Variants in IQCM observed in about 807,000 individuals in gnomAD.
IQCM encodes IQ motif containing M, also known as IQ domain-containing protein M.
Under a neutral mutation model 57.6 loss-of-function variants are expected in IQCM, and 45 were observed. The observed-to-expected ratio is 0.78, with a 90% confidence interval of 0.62 to 1.00. The LOEUF is 1.00. Ranked by LOEUF, IQCM falls within the 50% of genes least tolerant of loss-of-function variation. IQCM has a pLI of 0.00. For missense variants in IQCM, 468 were observed against 511.6 expected, an observed-to-expected ratio of 0.91 and a Z score of 0.82; for synonymous variants, 148 against 158.9, an observed-to-expected ratio of 0.93 and a Z score of 0.51.
At chr4:149,478,561 G>T (rs1740450695) in intron 12 of IQCM, among the ~76,000 whole-genome samples, 2 of 152,122 alleles carry the variant, frequency 1.3e-5, no homozygotes, top group East Asian at 1.9e-4. Flanking sequence ...GCTCAGTGAG[G>T]CCTGGAGGGA....
chr4:149,408,699 T>C (rs977565605), intron 13 of IQCM, among the ~76,000 whole-genome samples: 3 of 152,196 alleles, frequency 2.0e-5, no homozygotes, highest in African/African-American at 7.2e-5. Context: ...TCATTGAATA[T>C]TAGGTTATAA....
intron 5 of IQCM, among the ~76,000 whole-genome samples, chr4:149,715,475 T>A (rs1333317773): frequency 6.6e-6 from 1 of 152,066 alleles, no homozygotes; most frequent in Non-Finnish European, 1.5e-5. Context: ...CCAAAGAGAG[T>A]GTCACAGTCC....
At chr4:149,472,693 A>C (rs537102203) in intron 12 of IQCM, among the ~76,000 whole-genome samples, 1 of 152,104 alleles carries the variant, frequency 6.6e-6, no homozygotes, top group Non-Finnish European at 1.5e-5. Context: ...AAAAAAGCTG[A>C]AGGCATCACA....
intron 7 of IQCM, among the ~76,000 whole-genome samples, chr4:149,669,404 A>C (rs1761044866): frequency 6.6e-6 from 1 of 152,028 alleles, no homozygotes. Flanking sequence ...AGATTGTAAA[A>C]ATTTTCTCCC....
At chr4:149,377,293 A>G (rs565727650) in intron 13 of IQCM, among the ~76,000 whole-genome samples, 2 of 152,350 alleles carry the variant, frequency 1.3e-5, no homozygotes, top group African/African-American at 4.8e-5. Context: ...AATTCAAGAC[A>G]TAAAGCAATT....
intron 12 of IQCM, among the ~76,000 whole-genome samples, chr4:149,449,246 A>C (rs1277218891): frequency 2.1e-5 from 3 of 143,214 alleles, no homozygotes; most frequent in African/African-American, 7.6e-5. Flanking sequence ...AACAAACAAC[A>C]AAAAAAAGCA....
At chr4:149,368,624 AGGGC>A (rs1730009529) in intron 13 of IQCM, among the ~76,000 whole-genome samples, 1 of 151,254 alleles carries the variant, frequency 6.6e-6, no homozygotes, top group Non-Finnish European at 1.5e-5. Context: ...GATCAATTTT[AGGGC>A]TTTGAATTTG....
chr4:149,606,911 G>T (rs1205869627), intron 8 of IQCM, among the ~76,000 whole-genome samples: 1 of 151,990 alleles, frequency 6.6e-6, no homozygotes, highest in Non-Finnish European at 1.5e-5. Flanking sequence ...ACAACATCTA[G>T]CAAATAGTCT....
At chr4:149,729,466 T>G (rs1766260036) in intron 5 of IQCM, among the ~76,000 whole-genome samples, 1 of 147,478 alleles carries the variant, frequency 6.8e-6, no homozygotes, top group Admixed American at 6.9e-5. Flanking sequence ...TTGTTGTTTT[T>G]TTTTTTGTTG....
chr4:149,784,017 A>C (rs1244933101), intron 2 of IQCM, among the ~76,000 whole-genome samples: 1 of 152,244 alleles, frequency 6.6e-6, no homozygotes, highest in Middle Eastern at 3.2e-3. Context: ...TAAGACTTCA[A>C]AGCACAAAAC....
chr4:149,685,750 T>A (rs1260976389), intron 6 of IQCM, among the ~76,000 whole-genome samples: 2 of 151,612 alleles, frequency 1.3e-5, no homozygotes, highest in Non-Finnish European at 3.0e-5. Context: ...AGTATAAATG[T>A]TCTTACCAAA....
intron 12 of IQCM, among the ~76,000 whole-genome samples, chr4:149,537,474 A>G (rs1747412466): frequency 2.0e-5 from 3 of 151,956 alleles, no homozygotes; most frequent in Admixed American, 2.0e-4. Context: ...ACTTGTGGGA[A>G]AACTTTAAGT....
intron 2 of IQCM, among the ~76,000 whole-genome samples, chr4:149,801,553 T>A (rs1278582172): frequency 6.6e-6 from 1 of 152,052 alleles, no homozygotes; most frequent in Non-Finnish European, 1.5e-5. Flanking sequence ...TGGAGTACTA[T>A]TCATCCATAA....
chr4:149,700,848 G>T (rs757023882), intron 5 of IQCM, among the ~76,000 whole-genome samples: 11 of 152,110 alleles, frequency 7.2e-5, no homozygotes, highest in Non-Finnish European at 1.3e-4. Flanking sequence ...TCAAGAAATA[G>T]AGAACAGTTA....
intron 10 of IQCM, among the ~76,000 whole-genome samples, chr4:149,555,244 A>G (rs1476914009): frequency 6.6e-6 from 1 of 152,152 alleles, no homozygotes; most frequent in Non-Finnish European, 1.5e-5. Context: ...AAAAAAAATA[A>G]TAAATTGATT....
chr4:149,527,629 A>G (rs1330261299), intron 12 of IQCM, among the ~76,000 whole-genome samples: 2 of 152,204 alleles, frequency 1.3e-5, no homozygotes, highest in African/African-American at 4.8e-5. Context: ...GGAGTAAGAT[A>G]CCTGTTGAAT....
At chr4:149,704,288 C>T (rs1451647734) in intron 5 of IQCM, among the ~76,000 whole-genome samples, 1 of 151,770 alleles carries the variant, frequency 6.6e-6, no homozygotes, top group African/African-American at 2.4e-5. Context: ...TTGCTCAACC[C>T]CTGGAATAAA....
intron 13 of IQCM, among the ~76,000 whole-genome samples, chr4:149,365,421 T>G (rs948966589): frequency 6.6e-6 from 1 of 152,136 alleles, no homozygotes; most frequent in Non-Finnish European, 1.5e-5. Context: ...GAAGAAAATT[T>G]TAGTACAAAA....
rs116283296 is a variant in IQCM, at chr4:149,783,897, G to A, written c.-49+31414C>T. ...AGTTAGGACCCTCAATCATATAACT[G>A]CAAGGAAATAAATTCTTCCAGCAAT... is the stretch of plus-strand genomic sequence containing the variant. On this transcript the variant is annotated intron_variant, in intron 2 of 13. Coordinates refer to ENST00000636793, the MANE Select transcript of IQCM (RefSeq NM_001363507.2). Among the ~76,000 whole-genome samples the A allele has an allele frequency of 2.6e-3, 391 of 152,140 alleles. 1 individual carries two copies. The highest frequency in any genetic ancestry group is 2.9e-3 in the South Asian group (14 of 4,814).
Sources: allele counts gnomAD v4.1 joint callset (sites outside exome capture counted in the v4.1 genomes callset), GRCh38; gene constraint gnomAD v4.1.1; transcripts MANE v1.5; gene names NCBI Gene and HGNC (gene_info 2026-07-23, HGNC 2026-07-21).